Variants in NELL1 observed in about 807,000 individuals in gnomAD.
NELL1 encodes the protein neural EGFL like 1.
A neutral mutation model predicts 107.4 loss-of-function variants in NELL1; 76 were observed. That is an observed-to-expected ratio of 0.71 (90% CI 0.59 to 0.86). NELL1 has a LOEUF of 0.86. Among genes scored for constraint, NELL1 ranks in the 40% least tolerant of loss-of-function variants. NELL1 has a pLI of 0.00. For missense variants in NELL1, 1,024 were observed against 1,005.5 expected (o/e 1.02, Z -0.25); for synonymous variants, 353 against 341.2 (o/e 1.03, Z -0.38).
intron 2 of NELL1, among the ~76,000 whole-genome samples, chr11:20,755,562 G>GT (rs869257918): frequency 0.02 from 524 of 26,054 alleles, 10 homozygotes; most frequent in African/African-American, 0.029. Context: ...TTTTGTTTTT[G>GT]TTTTTTTTTT....
chr11:21,450,905 G>A (rs888758886), intron 15 of NELL1, among the ~76,000 whole-genome samples: 1 of 151,806 alleles, frequency 6.6e-6, no homozygotes, highest in African/African-American at 2.4e-5. Flanking sequence ...GAAATGGAGG[G>A]GCAGGCCGGG....
intron 2 of NELL1, among the ~76,000 whole-genome samples, chr11:20,729,050 TA>T (rs1185066739): frequency 1.3e-5 from 2 of 152,196 alleles, no homozygotes; most frequent in Admixed American, 1.3e-4. Flanking sequence ...CTAGGTATTT[TA>T]TTTTTTTTAT....
intron 12 of NELL1, among the ~76,000 whole-genome samples, chr11:20,979,100 G>A (rs1851698271): frequency 6.6e-6 from 1 of 152,170 alleles, no homozygotes; most frequent in African/African-American, 2.4e-5. Flanking sequence ...ACTGAACCAA[G>A]TTCTTCTCTT....
intron 2 of NELL1, among the ~76,000 whole-genome samples, chr11:20,721,606 CTTAAG>C (rs1238322124): frequency 6.6e-6 from 1 of 152,132 alleles, no homozygotes; most frequent in Non-Finnish European, 1.5e-5. Context: ...ATCGCCAAGC[CTTAAG>C]TTAAAGGAGA....
chr11:21,347,730 T>A (rs1420033198), intron 14 of NELL1, among the ~76,000 whole-genome samples: 1 of 152,208 alleles, frequency 6.6e-6, no homozygotes, highest in African/African-American at 2.4e-5. Context: ...CACTGAGTCA[T>A]TATTATTAGT....
At chr11:20,725,469 G>A (rs1034577193) in intron 2 of NELL1, among the ~76,000 whole-genome samples, 5 of 152,160 alleles carry the variant, frequency 3.3e-5, no homozygotes, top group Non-Finnish European at 5.9e-5. Context: ...GTGATGTGGC[G>A]GCAGCAATCT....
intron 16 of NELL1, among the ~76,000 whole-genome samples, chr11:21,558,492 T>A (rs1856774535): frequency 6.6e-6 from 1 of 151,876 alleles, no homozygotes; most frequent in Non-Finnish European, 1.5e-5. Flanking sequence ...TTAACTACAG[T>A]CATCATGTTT....
intron 13 of NELL1, among the ~76,000 whole-genome samples, chr11:21,218,760 A>G (rs1857680336): frequency 1.3e-5 from 2 of 152,112 alleles, no homozygotes; most frequent in Admixed American, 1.3e-4. Flanking sequence ...TCTGTGCATG[A>G]CTTATTTTAT....
chr11:21,016,630 GC>G (rs1156411142), intron 12 of NELL1, among the ~76,000 whole-genome samples: 1 of 152,014 alleles, frequency 6.6e-6, no homozygotes, highest in Non-Finnish European at 1.5e-5. Context: ...GCACCCACCA[GC>G]CGATAAACTC....
chr11:21,341,858 T>A lies in NELL1; in HGVS notation c.1550-28995T>A, dbSNP rs370907100. Reference sequence around the variant, plus strand: ...ATCTTTATATGTAATAATACATTTTTTTTGGAGAAGAAATCAATTGAGATC... The same window carrying A: ...ATCTTTATATGTAATAATACATTTTATTTGGAGAAGAAATCAATTGAGATC... On this transcript the variant is annotated intron_variant, in intron 14 of 19. Coordinates refer to ENST00000357134, the MANE Select transcript of NELL1 (RefSeq NM_006157.5). Among the ~76,000 whole-genome samples, 297 of 152,344 alleles carry A rather than the reference T, an allele frequency of 1.9e-3. 10 individuals are homozygous for A. In the South Asian group the frequency reaches 0.055, roughly 28 times the overall value.
At chr11:21,335,607 T>G (rs536714819) in intron 14 of NELL1, among the ~76,000 whole-genome samples, 1 of 152,088 alleles carries the variant, frequency 6.6e-6, no homozygotes. Flanking sequence ...CAGAAGCAGA[T>G]GGATCCCCAC....
At chr11:21,418,352 A>G (rs1050585175) in intron 15 of NELL1, among the ~76,000 whole-genome samples, 4 of 152,104 alleles carry the variant, frequency 2.6e-5, no homozygotes, top group Non-Finnish European at 4.4e-5. Context: ...TGATGGCTAT[A>G]TGATCTTGGT....
chr11:21,040,572 G>A (rs1853205936), intron 12 of NELL1, among the ~76,000 whole-genome samples: 3 of 152,134 alleles, frequency 2.0e-5, no homozygotes, highest in Admixed American at 6.5e-5. Context: ...CAAAGAAGGA[G>A]CTGGTTTACT....
At chr11:21,455,733 G>A (rs556289180) in intron 15 of NELL1, among the ~76,000 whole-genome samples, 1 of 152,110 alleles carries the variant, frequency 6.6e-6, no homozygotes, top group East Asian at 1.9e-4. Flanking sequence ...GGAATTTGTT[G>A]AGTTTCTTAG....
At position 20,677,737 on chromosome 11, in the gene NELL1, G is replaced by A. The variant is rs568026632; in HGVS notation, c.56-195G>A. Among the ~76,000 whole-genome samples the A allele has an allele frequency of 2.6e-5, 4 of 152,114 alleles. No homozygotes were observed. In the South Asian group the frequency reaches 8.3e-4, roughly 32 times the overall value. On this transcript the variant is annotated intron_variant, in intron 1 of 19. Coordinates refer to ENST00000357134, the MANE Select transcript of NELL1 (RefSeq NM_006157.5). ...TCCATAATTGGGGGTGGGGTTGGGG[G>A]AAGGAACAAAGAAACTACAGTATTA...
At chr11:21,433,265 A>G (rs544669769) in intron 15 of NELL1, among the ~76,000 whole-genome samples, 16 of 152,280 alleles carry the variant, frequency 1.1e-4, no homozygotes, top group African/African-American at 3.6e-4. Flanking sequence ...CATTTTCTGT[A>G]TCCATTCATC....
intron 14 of NELL1, among the ~76,000 whole-genome samples, chr11:21,230,689 A>G (rs1858024883): frequency 6.6e-6 from 1 of 152,172 alleles, no homozygotes; most frequent in South Asian, 2.1e-4. Context: ...TACAACGACT[A>G]AGTCACTATA....
At chr11:20,704,952 C>T (rs956497649) in intron 2 of NELL1, among the ~76,000 whole-genome samples, 1 of 152,122 alleles carries the variant, frequency 6.6e-6, no homozygotes, top group African/African-American at 2.4e-5. Context: ...ATCCAATTTA[C>T]AAGGGATGTG....
At chr11:21,299,754 A>T (rs965988561) in intron 14 of NELL1, among the ~76,000 whole-genome samples, 1 of 151,970 alleles carries the variant, frequency 6.6e-6, no homozygotes, top group Admixed American at 6.6e-5. Flanking sequence ...GCCATAGATA[A>T]TATGTAGACT....
Sources: gnomAD v4.1 joint callset for allele counts (sites outside exome capture counted in the v4.1 genomes callset) on GRCh38, gnomAD v4.1.1 for gene constraint, MANE v1.5 for transcripts, NCBI Gene and HGNC (gene_info 2026-07-23, HGNC 2026-07-21) for gene names.